Variants in HUWE1 observed in about 807,000 individuals in gnomAD.
The protein encoded by HUWE1 is E3 ubiquitin-protein ligase HUWE1.
A neutral mutation model predicts 299.4 loss-of-function variants in HUWE1; 18 were observed. The observed-to-expected ratio is 0.06, with a 90% confidence interval of 0.04 to 0.09. The LOEUF (loss-of-function observed/expected upper bound fraction) is 0.09. Among genes scored for constraint, HUWE1 ranks in the 10% least tolerant of loss-of-function variants. The probability of loss-of-function intolerance (pLI) is 1.00; values close to 1 mark genes in which losing one functional copy is unlikely to be tolerated. For missense variants in HUWE1, 1,832 were observed against 3,462.3 expected, an observed-to-expected ratio of 0.53 and a Z score of 11.82; for synonymous variants, 1,317 against 1,286.1, an observed-to-expected ratio of 1.02 and a Z score of -0.51.
chrX:53,631,995 A>G, intron 9 of HUWE1: 1 of 325,724 alleles, frequency 3.1e-6, no homozygotes, highest in Non-Finnish European at 5.6e-6. Flanking sequence ...CAATTAAGCT[A>G]GAAAGATTAT....
chrX:53,656,122 T>C (rs2068732395), intron 3 of HUWE1, among the ~76,000 whole-genome samples: 1 of 107,465 alleles, frequency 9.3e-6, no homozygotes, highest in African/African-American at 3.4e-5. Context: ...ACACCTGTAA[T>C]CCCAGCACTT....
chrX:53,634,412 C>T (rs782727854), intron 7 of HUWE1, 114 bp from the exon 8 acceptor site: 7 of 544,297 alleles, frequency 1.3e-5, no homozygotes, highest in Admixed American at 7.2e-5. Flanking sequence ...TATGTATATA[C>T]ACATACATAT....
chrX:53,677,221 T>A (rs2069872396), intron 3 of HUWE1, among the ~76,000 whole-genome samples: 1 of 108,662 alleles, frequency 9.2e-6, no homozygotes, highest in South Asian at 4.0e-4. Context: ...CTGGGGCCCC[T>A]CCTAGATCTA....
chrX:53,561,850 A>G lies in HUWE1; in HGVS notation c.7413T>C (p.Tyr2471=), dbSNP rs141528895. The change falls in exon 55 of 84, where the codon TAT becomes TAC. Residue 2471 remains tyrosine, a synonymous_variant. Transcript: ENST00000262854. The part of the protein sequence containing the change: ...DGSEMELDED[Y]PDMNASPLVR... ...CCAAGGGAGAAGCGTTCATATCAGGATAATCCTCATCCAATTCCATCTCAG... is the reference window on the plus strand; with the variant it reads ...CCAAGGGAGAAGCGTTCATATCAGGGTAATCCTCATCCAATTCCATCTCAG... 5.0e-6 allele frequency: 6 copies of G among 1,209,691 alleles called. No homozygotes were observed. In the African/African-American group the frequency reaches 8.8e-5, roughly 18 times the overall value.
chrX:53,545,983 C>T (rs1215007619), intron 70 of HUWE1, among the ~76,000 whole-genome samples: 1 of 111,475 alleles, frequency 9.0e-6, no homozygotes, highest in Non-Finnish European at 1.9e-5. Context: ...TAATTTGTAA[C>T]TGTTCTTAGA....
At chrX:53,601,813 T>C (rs1485566459) in intron 28 of HUWE1, among the ~76,000 whole-genome samples, 1 of 108,806 alleles carries the variant, frequency 9.2e-6, no homozygotes. Context: ...GGATTATAGG[T>C]ATGTGCCACC....
chrX:53,538,513 C>T, intron 76 of HUWE1, 59 bp from the exon 77 acceptor site: 1 of 795,868 alleles, frequency 1.3e-6, no homozygotes, highest in Non-Finnish European at 1.9e-6. Flanking sequence ...AGCTGTAAGA[C>T]AGCCAACCAG....
intron 67 of HUWE1, 84 bp downstream of exon 67, chrX:53,548,875 C>T (rs1185045592): frequency 1.3e-5 from 11 of 818,890 alleles, no homozygotes; most frequent in Non-Finnish European, 1.8e-5. Flanking sequence ...AAAAGACACG[C>T]TAGCCTGCTT....
rs782369606 is a variant in HUWE1 at position 53,586,874 on chromosome X, T to C, written c.4650A>G (p.Ser1550=). ...TGATTAGGACATTAAGGATGCCACT[T>C]GATTCAACCACCCAAGCACAAGGTA... ...LKLPCAWVVE[S]SGILNVLIKL... The change falls in exon 38 of 84, where the codon TCA becomes TCG. Residue 1550 remains serine, a synonymous_variant. Transcript: ENST00000262854. 1 of 1,211,268 alleles carries C rather than the reference T, an allele frequency of 8.3e-7. No individual in the cohort carries two copies. The highest frequency in any genetic ancestry group is 1.1e-6 in the Non-Finnish European group (1 of 895,093).
At chrX:53,634,641 C>T (rs782150153) in intron 7 of HUWE1, among the ~76,000 whole-genome samples, 109 of 112,763 alleles carry the variant, frequency 9.7e-4, no homozygotes, top group African/African-American at 3.4e-3. Flanking sequence ...ATATTCCATA[C>T]CCCTGTAGTC....
chrX:53,611,924 G>A (rs1313723776), intron 23 of HUWE1, among the ~76,000 whole-genome samples: 4 of 110,335 alleles, frequency 3.6e-5, no homozygotes, highest in African/African-American at 1.3e-4. Context: ...GTGTGTATAA[G>A]GCATTGGAAA....
Position 53,601,164 on chromosome X carries a change from T to C in HUWE1, c.2972-855A>G, listed in dbSNP as rs782393299. 5.2e-4 allele frequency among the ~76,000 whole-genome samples: 58 copies of C among 110,622 alleles called. 2 individuals carry two copies. The South Asian group carries it at 0.021, about 41-fold the overall frequency. ...AAATTTCCCTTTCTAGTAATTTCTG[T>C]ACAAGTTTTAAGCCTGATACCTTTT... On this transcript the variant is annotated intron_variant, in intron 28 of 83. Transcript: ENST00000262854.
chrX:53,593,741 A>G, intron 31 of HUWE1, 140 bp from the exon 32 acceptor site: 1 of 484,780 alleles, frequency 2.1e-6, no homozygotes, highest in Admixed American at 3.6e-5. Context: ...TCTGTCCAAC[A>G]GTTTTCAGCT....
At chrX:53,621,816 A>G (rs1603153922) in intron 19 of HUWE1, among the ~76,000 whole-genome samples, 1 of 112,077 alleles carries the variant, frequency 8.9e-6, no homozygotes, top group South Asian at 3.7e-4. Context: ...TCATACAACT[A>G]TATCTTGCTC....
chrX:53,607,409 A>C, intron 25 of HUWE1, 114 bp downstream of exon 25: 1 of 628,921 alleles, frequency 1.6e-6, no homozygotes, highest in Middle Eastern at 3.2e-4. Flanking sequence ...ACATAACACA[A>C]ATTTATTCAT....
At chrX:53,535,689 A>G (rs782354902) in intron 80 of HUWE1, among the ~76,000 whole-genome samples, 188 bp from the exon 81 acceptor site, 1 of 111,948 alleles carries the variant, frequency 8.9e-6, no homozygotes, top group South Asian at 3.7e-4. Context: ...TTTGGGTAGG[A>G]AAGAGGAAAA....
At chrX:53,593,647 C>G in intron 31 of HUWE1, 46 bp from the exon 32 acceptor site, 1 of 1,025,889 alleles carries the variant, frequency 9.7e-7, no homozygotes, top group Non-Finnish European at 1.4e-6. Flanking sequence ...GTATTTTACC[C>G]TGGCAAGGGG....
rs782014739 is a variant in HUWE1, at chrX:53,591,718, A to C, written c.3973-596T>G. Among the ~76,000 whole-genome samples the C allele has an allele frequency of 1.1e-4, 12 of 112,641 alleles. No individual in the cohort carries two copies. The East Asian group carries it at 2.8e-3, about 26-fold the overall frequency. ...AAAAATTAGGCACAAGACTGACTGA[A>C]AAAGGAGACAATGACTATCTTGTGT... On this transcript the variant is annotated intron_variant, in intron 33 of 83. Transcript: ENST00000262854.
chrX:53,549,210 T>C lies in HUWE1; in HGVS notation c.9784A>G (p.Ser3262Gly). 1 of 1,212,285 alleles carries C rather than the reference T, an allele frequency of 8.2e-7. No individual in the cohort carries two copies. Among genetic ancestry groups the C allele is most frequent in the Non-Finnish European group, 1.1e-6 (1 of 895,632 alleles). Residue 3262 changes from serine (S) to glycine (G), a missense_variant, in exon 67 of 84, where the codon AGT becomes GGT. Transcript: ENST00000262854. ...GKKSSKSCGS[S>G]SHENRPLDLL... ...TCCAGGGGACGGTTCTCATGGCTAC[T>C]TGACCCACAGCTCTTGCTCGACTTT...
Sources: allele counts gnomAD v4.1 joint callset (sites outside exome capture counted in the v4.1 genomes callset), GRCh38; gene constraint gnomAD v4.1.1; transcripts MANE v1.5; gene names NCBI Gene and HGNC (gene_info 2026-07-23, HGNC 2026-07-21).